Variants in ITGA9 observed in about 807,000 individuals in gnomAD.
ITGA9 encodes the protein integrin alpha-9.
A neutral mutation model predicts 127.8 loss-of-function variants in ITGA9; 56 were observed. The ratio of observed to expected loss-of-function variants is 0.44; its 90% CI spans 0.35 to 0.55. ITGA9 has a LOEUF of 0.55. ITGA9 is among the 20% of genes least tolerant of loss of function. The probability of loss-of-function intolerance (pLI) is 0.00; values close to 1 mark genes in which losing one functional copy is unlikely to be tolerated. For missense variants in ITGA9, 1,196 were observed against 1,347.1 expected (o/e 0.89, Z 1.76); for synonymous variants, 508 against 514.5 (o/e 0.99, Z 0.17).
intron 25 of ITGA9, among the ~76,000 whole-genome samples, 187 bp from the exon 26 acceptor site, chr3:37,784,790 G>T (rs1697019051): frequency 6.6e-6 from 1 of 152,182 alleles, no homozygotes; most frequent in Admixed American, 6.5e-5. Context: ...GATCTGCAAA[G>T]AATCCTTAAG....
At chr3:37,756,939 C>CCTTTATTCTTAAAAAAAA (rs1696659450) in intron 23 of ITGA9, among the ~76,000 whole-genome samples, 1 of 149,916 alleles carries the variant, frequency 6.7e-6, no homozygotes, top group African/African-American at 2.5e-5. Flanking sequence ...AAAAAGAAAT[C>CCTTTATTCTTAAAAAAAA]AAAGTTGAAG....
chr3:37,718,693 A>G (rs904715767), intron 18 of ITGA9, among the ~76,000 whole-genome samples: 1 of 152,186 alleles, frequency 6.6e-6, no homozygotes, highest in African/African-American at 2.4e-5. Context: ...GAGAATTTCA[A>G]TGCAGTTTCA....
At chr3:37,518,767 T>C (rs1699012835) in intron 10 of ITGA9, among the ~76,000 whole-genome samples, 1 of 143,888 alleles carries the variant, frequency 6.9e-6, no homozygotes, top group African/African-American at 2.6e-5. Context: ...TAGTTTTCAC[T>C]GTACTTTTTT....
intron 3 of ITGA9, among the ~76,000 whole-genome samples, chr3:37,476,678 T>C (rs1050920776): frequency 6.6e-6 from 1 of 152,218 alleles, no homozygotes; most frequent in African/African-American, 2.4e-5. Flanking sequence ...GTATGGGCTC[T>C]GCCTCCTTCG....
intron 24 of ITGA9, among the ~76,000 whole-genome samples, chr3:37,777,794 G>A (rs1163690775): frequency 6.6e-6 from 1 of 152,194 alleles, no homozygotes; most frequent in Admixed American, 6.5e-5. Context: ...AAACAAGAGT[G>A]ATTATTCTTG....
chr3:37,603,717 G>C (rs537313939), intron 15 of ITGA9, among the ~76,000 whole-genome samples: 7 of 152,348 alleles, frequency 4.6e-5, no homozygotes, highest in African/African-American at 1.7e-4. Flanking sequence ...TACCCAGTGT[G>C]CCAGACATCA....
At chr3:37,793,011 A>G (rs1697129854) in intron 26 of ITGA9, among the ~76,000 whole-genome samples, 1 of 152,116 alleles carries the variant, frequency 6.6e-6, no homozygotes, top group South Asian at 2.1e-4. Flanking sequence ...GAGATGGCCA[A>G]GGAGATGAAC....
chr3:37,534,456 A>G (rs1211292608), intron 14 of ITGA9, among the ~76,000 whole-genome samples: 1 of 152,212 alleles, frequency 6.6e-6, no homozygotes, highest in Admixed American at 6.5e-5. Flanking sequence ...TCCTGTGCAC[A>G]TTTAAGTTTG....
At chr3:37,468,335 G>A (rs112325211) in intron 1 of ITGA9, among the ~76,000 whole-genome samples, 3 of 152,120 alleles carry the variant, frequency 2.0e-5, no homozygotes, top group African/African-American at 7.2e-5. Context: ...GTGAGGGGTG[G>A]GTCTCCCTGG....
At chr3:37,769,655 C>T (rs1696820368) in intron 23 of ITGA9, among the ~76,000 whole-genome samples, 1 of 152,180 alleles carries the variant, frequency 6.6e-6, no homozygotes, top group Non-Finnish European at 1.5e-5. Flanking sequence ...AAGTTTGCCC[C>T]TCTATGCTTT....
intron 18 of ITGA9, among the ~76,000 whole-genome samples, chr3:37,726,569 C>G (rs1228696494): frequency 6.6e-6 from 1 of 152,258 alleles, no homozygotes; most frequent in Admixed American, 6.5e-5. Flanking sequence ...CTGCACGTTA[C>G]AAACAGGGCT....
chr3:37,505,979 G>T (rs776078322), intron 6 of ITGA9, 21 bp from the exon 7 acceptor site: 1 of 1,567,250 alleles, frequency 6.4e-7, no homozygotes. Flanking sequence ...CGTGTGCTTG[G>T]TTTCCGCCCA....
At chr3:37,774,651 C>A (rs1263767231) in intron 23 of ITGA9, among the ~76,000 whole-genome samples, 1 of 151,902 alleles carries the variant, frequency 6.6e-6, no homozygotes, top group East Asian at 1.9e-4. Context: ...CACCTGAGCC[C>A]AGGAGGTTGA....
At chr3:37,693,486 A>G (rs1289713793) in intron 18 of ITGA9, among the ~76,000 whole-genome samples, 1 of 152,152 alleles carries the variant, frequency 6.6e-6, no homozygotes, top group Non-Finnish European at 1.5e-5. Context: ...GATTATATCT[A>G]CCTTTACCAC....
At chr3:37,784,479 G>A (rs1697014893) in intron 25 of ITGA9, among the ~76,000 whole-genome samples, 1 of 152,032 alleles carries the variant, frequency 6.6e-6, no homozygotes, top group Non-Finnish European at 1.5e-5. Context: ...ATGTTTAATG[G>A]TTTTGATTCC....
chr3:37,523,373 C>A, intron 11 of ITGA9, 148 bp from the exon 12 acceptor site: 1 of 677,924 alleles, frequency 1.5e-6, no homozygotes, highest in South Asian at 1.7e-5. Context: ...CTGCTAAAGA[C>A]TTGCTGATCA....
intron 7 of ITGA9, among the ~76,000 whole-genome samples, chr3:37,506,758 CAGA>C (rs1698847943): frequency 6.6e-6 from 1 of 152,178 alleles, no homozygotes; most frequent in Admixed American, 6.5e-5. Flanking sequence ...TGAGTAGGTA[CAGA>C]TGGATCAGGA....
chr3:37,471,114 C>T lies in ITGA9; in HGVS notation c.293C>T (p.Thr98Ile). 1 of 1,614,032 alleles carries T rather than the reference C, an allele frequency of 6.2e-7. No homozygotes were observed. The highest frequency in any genetic ancestry group is 8.5e-7 in the Non-Finnish European group (1 of 1,179,980). Residue 98 changes from threonine to isoleucine, a missense_variant, in exon 2 of 28, where the codon ACC becomes ATC. Transcript: ENST00000264741. ...CACACCAACCCTGACCGGAGATGCA[C>T]CGAACTGGACATGGCTCGAGGTGGG... The part of the protein sequence containing the change: ...RVHTNPDRRC[T>I]ELDMARGKNR...
chr3:37,517,958 C>T (rs1699003402), intron 10 of ITGA9, among the ~76,000 whole-genome samples: 1 of 152,218 alleles, frequency 6.6e-6, no homozygotes, highest in Non-Finnish European at 1.5e-5. Flanking sequence ...GCCATCAACT[C>T]TCCTTGTTTC....
Sources: gnomAD v4.1 joint callset for allele counts (sites outside exome capture counted in the v4.1 genomes callset) on GRCh38, gnomAD v4.1.1 for gene constraint, MANE v1.5 for transcripts, NCBI Gene and HGNC (gene_info 2026-07-23, HGNC 2026-07-21) for gene names.